The following FNDC1 variants were observed in gnomAD, a reference collection of about 807,000 sequenced individuals.
FNDC1 encodes the protein fibronectin type III domain-containing protein 1.
A neutral mutation model predicts 168.0 loss-of-function variants in FNDC1; 96 were observed. The ratio of observed to expected loss-of-function variants is 0.57; its 90% CI spans 0.48 to 0.68. The LOEUF is 0.68. FNDC1 is among the 30% of genes least tolerant of loss of function. The pLI, the probability that FNDC1 is intolerant of heterozygous loss-of-function variation, is 0.00. For missense variants in FNDC1, 2,587 were observed against 2,482.1 expected (o/e 1.04, Z -0.90); for synonymous variants, 1,099 against 1,025.9 (o/e 1.07, Z -1.36).
At chr6:159,230,080 C>G (rs1783049758) in intron 10 of FNDC1, 77 bp downstream of exon 10, 1 of 1,405,022 alleles carries the variant, frequency 7.1e-7, no homozygotes, top group South Asian at 1.5e-5. Context: ...TTGAATCATG[C>G]TCTTGGGTTT....
intron 4 of FNDC1, among the ~76,000 whole-genome samples, chr6:159,204,085 C>T (rs139164841): frequency 1.3e-4 from 20 of 152,250 alleles, no homozygotes; most frequent in South Asian, 4.1e-4. Flanking sequence ...TTTTAGTTCG[C>T]GACGCTTGCT....
In FNDC1 at chr6:159,239,891, C is replaced by G; in HGVS notation, c.4555C>G (p.Arg1519Gly). ...CACCTGTCCCCCTGGGACCTTGGAACGGCACGACGATGATGGCAACCTGAT... is the reference window on the plus strand; with the variant it reads ...CACCTGTCCCCCTGGGACCTTGGAAGGGCACGACGATGATGGCAACCTGAT... Reference protein sequence around the residue: ...IPTCPPGTLERHDDDGNLIMS... With the variant: ...IPTCPPGTLEGHDDDGNLIMS... Residue 1519 changes from arginine (R) to glycine (G), a missense_variant, in exon 14 of 23, where the codon CGG becomes GGG. Arg to Gly is a moderately radical substitution (Grantham distance 125). Coordinates refer to ENST00000297267, the MANE Select transcript of FNDC1 (RefSeq NM_032532.3). The G allele has an allele frequency of 6.5e-7, 1 of 1,537,186 alleles. No homozygotes were observed. The highest frequency in any genetic ancestry group is 8.8e-7 in the Non-Finnish European group (1 of 1,139,198).
rs373718938 is a variant in FNDC1 at position 159,221,367 on chromosome 6, G to A, written c.668-231G>A. ...GAAACCTATTTTTCAGGAATTACTG[G>A]TAAAAAATCAGTTCCCTATTTTCTA... is the stretch of plus-strand genomic sequence containing the variant. On this transcript the variant is annotated intron_variant, in intron 5 of 22. Transcript: ENST00000297267. Among the ~76,000 whole-genome samples, 32 of 152,172 alleles carry A rather than the reference G, an allele frequency of 2.1e-4. 1 individual carries two copies. In the South Asian group the frequency reaches 6.7e-3, roughly 32 times the overall value.
At chr6:159,192,906 A>G (rs995210083) in intron 1 of FNDC1, among the ~76,000 whole-genome samples, 1 of 152,140 alleles carries the variant, frequency 6.6e-6, no homozygotes, top group Non-Finnish European at 1.5e-5. Context: ...TCTGTACCTG[A>G]TGCCTTCAGG....
intron 9 of FNDC1, among the ~76,000 whole-genome samples, chr6:159,228,868 G>T (rs937971511): frequency 3.3e-5 from 5 of 151,978 alleles, no homozygotes; most frequent in African/African-American, 1.2e-4. Flanking sequence ...AGAGACGGGG[G>T]TTTCACCCTG....
At chr6:159,202,014 C>T (rs1782391191) in intron 4 of FNDC1, among the ~76,000 whole-genome samples, 1 of 152,200 alleles carries the variant, frequency 6.6e-6, no homozygotes, top group Non-Finnish European at 1.5e-5. Flanking sequence ...GACCAGGGAT[C>T]AGACAGCCGT....
intron 2 of FNDC1, among the ~76,000 whole-genome samples, chr6:159,199,107 G>C (rs1042901202): frequency 2.6e-5 from 4 of 152,224 alleles, no homozygotes; most frequent in Non-Finnish European, 4.4e-5. Context: ...CACCTCTCCA[G>C]CTCTCGTCCC....
chr6:159,177,873 C>T (rs550488699), intron 1 of FNDC1, among the ~76,000 whole-genome samples: 2 of 152,170 alleles, frequency 1.3e-5, no homozygotes, highest in East Asian at 1.9e-4. Context: ...TGTGCCCATT[C>T]CCCCGCAGAC....
rs869093208 is a variant in FNDC1, at chr6:159,188,746, CTT to C, written c.110-8667_110-8666del. ...GTAGCTTCAAAAATGTTAATTTTTACTTTTTTTTTTTTTTTTTTTAAGATGGA... is the reference window on the plus strand; with the variant it reads ...GTAGCTTCAAAAATGTTAATTTTTACTTTTTTTTTTTTTTTTTAAGATGGA... On this transcript the variant is annotated intron_variant, in intron 1 of 22. Coordinates refer to ENST00000297267, the MANE Select transcript of FNDC1 (RefSeq NM_032532.3). 4.5e-3 allele frequency among the ~76,000 whole-genome samples: 567 copies of C among 126,434 alleles called. 5 individuals are homozygous for C. Among genetic ancestry groups the C allele is most frequent in the African/African-American group, 0.015 (506 of 34,736 alleles). The allele number at this position is 126,434 out of a possible 152,430, so 82.9% of individuals were successfully genotyped here.
intron 4 of FNDC1, among the ~76,000 whole-genome samples, chr6:159,208,844 A>ATTTTTTTT (rs369408600): frequency 3.9e-5 from 5 of 128,082 alleles, no homozygotes; most frequent in East Asian, 2.4e-4. Context: ...GTTATTTTTA[A>ATTTTTTTT]TTTTTTTTTT....
chr6:159,213,938 T>C (rs1255535051), intron 4 of FNDC1, among the ~76,000 whole-genome samples: 1 of 152,230 alleles, frequency 6.6e-6, no homozygotes, highest in African/African-American at 2.4e-5. Context: ...TTGAAGGGCA[T>C]GCTGAATTGT....
chr6:159,200,883 C>T (rs1782365455), intron 4 of FNDC1, among the ~76,000 whole-genome samples: 1 of 152,208 alleles, frequency 6.6e-6, no homozygotes, highest in South Asian at 2.1e-4. Flanking sequence ...GCAGTACTGA[C>T]CAGATTAGGA....
At chr6:159,180,858 G>A (rs567625864) in intron 1 of FNDC1, among the ~76,000 whole-genome samples, 2 of 152,026 alleles carry the variant, frequency 1.3e-5, no homozygotes, top group Admixed American at 6.6e-5. Context: ...TATATGTCCC[G>A]CATTTTAAAA....
At chr6:159,195,323 G>A (rs887558306) in intron 1 of FNDC1, among the ~76,000 whole-genome samples, 5 of 146,602 alleles carry the variant, frequency 3.4e-5, no homozygotes, top group Admixed American at 2.0e-4. Context: ...GAGAGAGGTC[G>A]ATGAGGATGC....
In FNDC1 at chr6:159,236,210, T is replaced by C. The variant is rs760334238; in HGVS notation, c.3968-5T>C. ...TCTGTTATTTTTATTTTTGGTACTG[T>C]GTAGGTTATAATGGCAGACCAAATG... is the stretch of plus-strand genomic sequence containing the variant. On this transcript the variant is annotated splice_polypyrimidine_tract_variant and splice_region_variant and intron_variant, in intron 11 of 22. Transcript: ENST00000297267. 6.2e-7 allele frequency: 1 copy of C among 1,606,708 alleles called. No individual in the cohort carries two copies. Among genetic ancestry groups the C allele is most frequent in the East Asian group, 2.2e-5 (1 of 44,830 alleles).
rs1171528189 is a variant in FNDC1, at chr6:159,229,993, T to A, written c.1359T>A (p.Ala453=). ...CTCACTCCAAAGCCTTCATTGTCGC[T>A]ATGCCAACAAGTAAGCATTATGTGT... ...LGPHSKAFIV[A]MPTTSKADVE... is the part of the protein sequence containing the mutation. Residue 453 remains alanine (A), a synonymous_variant, in exon 10 of 23, where the codon GCT becomes GCA. Coordinates refer to ENST00000297267, the MANE Select transcript of FNDC1 (RefSeq NM_032532.3). 1.2e-6 allele frequency: 2 copies of A among 1,613,540 alleles called. No homozygotes were observed. The highest frequency in any genetic ancestry group is 1.7e-6 in the Non-Finnish European group (2 of 1,179,662).
At chr6:159,200,114 G>A in intron 3 of FNDC1, 32 bp downstream of exon 3, 1 of 1,477,302 alleles carries the variant, frequency 6.8e-7, no homozygotes, top group South Asian at 1.2e-5. Flanking sequence ...AGGCTGTAGT[G>A]TTGTTACTTA....
chr6:159,205,224 A>G (rs944063397), intron 4 of FNDC1, among the ~76,000 whole-genome samples: 1 of 152,240 alleles, frequency 6.6e-6, no homozygotes, highest in Non-Finnish European at 1.5e-5. Flanking sequence ...ATGAAAAAAC[A>G]AAGTTTGGCA....
Position 159,231,101 on chromosome 6 carries a change from C to T in FNDC1, c.1370-781C>T, listed in dbSNP as rs536719371. ...TTAAAAATTACAAATTGGGGCCGGG[C>T]GCGGTGGCTCACGCCTGTAATCCCA... On this transcript the variant is annotated intron_variant, in intron 10 of 22. Transcript: ENST00000297267. 1.8e-3 allele frequency among the ~76,000 whole-genome samples: 53 copies of T among 28,780 alleles called. 23 individuals are homozygous for T. Among genetic ancestry groups the T allele is most frequent in the Non-Finnish European group, 7.5e-3 (28 of 3,750 alleles). The allele number at this position is 28,780 out of a possible 152,430, so 18.9% of individuals were successfully genotyped here.
Sources: allele counts gnomAD v4.1 joint callset (sites outside exome capture counted in the v4.1 genomes callset), GRCh38; gene constraint gnomAD v4.1.1; transcripts MANE v1.5; gene names NCBI Gene and HGNC (gene_info 2026-07-23, HGNC 2026-07-21).